The following KAZN variants were observed in gnomAD, a reference collection of about 807,000 sequenced individuals.
KAZN encodes the protein kazrin, periplakin interacting protein, also known as kazrin.
Under a neutral mutation model 87.4 loss-of-function variants are expected in KAZN, and 40 were observed. The ratio of observed to expected loss-of-function variants is 0.46; its 90% CI spans 0.36 to 0.60. The LOEUF (loss-of-function observed/expected upper bound fraction) is 0.60. KAZN is among the 20% of genes least tolerant of loss of function. The pLI, the probability that KAZN is intolerant of heterozygous loss-of-function variation, is 0.00. For synonymous variants in KAZN, 466 were observed against 458.3 expected (o/e 1.02, Z -0.22); for missense variants, 898 against 1,073.9 (o/e 0.84, Z 2.29).
chr1:14,704,508 ACT>A (rs1642102922), intron 1 of KAZN, among the ~76,000 whole-genome samples: 1 of 152,070 alleles, frequency 6.6e-6, no homozygotes, highest in African/African-American at 2.4e-5. Context: ...GAGTGACTTG[ACT>A]CACACCTTGT....
intron 2 of KAZN, among the ~76,000 whole-genome samples, chr1:14,396,610 G>A (rs1015785130): frequency 1.3e-5 from 2 of 152,240 alleles, no homozygotes; most frequent in Non-Finnish European, 2.9e-5. Flanking sequence ...AATTACTGGG[G>A]ATGATTTCTG....
chr1:14,781,266 G>A (rs530666695), intron 1 of KAZN, among the ~76,000 whole-genome samples: 32 of 152,348 alleles, frequency 2.1e-4, no homozygotes, highest in Admixed American at 4.6e-4. Flanking sequence ...AGCTTGCAGT[G>A]AGCCGAGATC....
chr1:15,065,962 C>G (rs1206290915), intron 8 of KAZN: 1 of 1,384,602 alleles, frequency 7.2e-7, no homozygotes, highest in South Asian at 1.7e-5. Flanking sequence ...AGTGAAAACA[C>G]GAGTGTGAAC....
chr1:14,701,537 A>G (rs888551633), intron 1 of KAZN, among the ~76,000 whole-genome samples: 1 of 152,224 alleles, frequency 6.6e-6, no homozygotes, highest in Non-Finnish European at 1.5e-5. Flanking sequence ...TCATGCCTAT[A>G]ATCGCAGCAC....
At chr1:14,719,010 T>C (rs373924436) in intron 1 of KAZN, among the ~76,000 whole-genome samples, 4 of 152,134 alleles carry the variant, frequency 2.6e-5, no homozygotes, top group Admixed American at 2.6e-4. Context: ...TCTCTAAGGG[T>C]GCAGGCTTGG....
At chr1:14,845,439 G>A (rs373216354) in intron 1 of KAZN, among the ~76,000 whole-genome samples, 2 of 151,526 alleles carry the variant, frequency 1.3e-5, no homozygotes, top group African/African-American at 2.4e-5. Flanking sequence ...GTGGATGGAC[G>A]GATGAGTAAA....
chr1:14,712,854 C>T (rs1181481943), intron 1 of KAZN, among the ~76,000 whole-genome samples: 1 of 152,220 alleles, frequency 6.6e-6, no homozygotes, highest in Admixed American at 6.5e-5. Context: ...CACCCCCCAC[C>T]TTTTCCCTGT....
chr1:14,838,918 G>C (rs1253165946), intron 1 of KAZN, among the ~76,000 whole-genome samples: 6 of 152,114 alleles, frequency 3.9e-5, no homozygotes, highest in Admixed American at 2.0e-4. Context: ...CACCGCACCT[G>C]GCCCTGATTC....
chr1:14,670,218 G>C (rs1300988777), intron 1 of KAZN, among the ~76,000 whole-genome samples: 1 of 150,378 alleles, frequency 6.6e-6, no homozygotes, highest in East Asian at 2.0e-4. Context: ...CTCCCCACAA[G>C]ATAGTTCATC....
intron 1 of KAZN, among the ~76,000 whole-genome samples, chr1:13,990,014 T>C (rs1639204535): frequency 6.6e-6 from 1 of 152,214 alleles, no homozygotes. Context: ...ACAGAGAATG[T>C]GTTACAGATA....
intron 1 of KAZN, among the ~76,000 whole-genome samples, chr1:14,760,765 A>G (rs978470146): frequency 6.6e-6 from 1 of 152,172 alleles, no homozygotes; most frequent in Non-Finnish European, 1.5e-5. Flanking sequence ...CCCAGCCTGG[A>G]CAACATAGCA....
intron 2 of KAZN, among the ~76,000 whole-genome samples, chr1:14,340,043 C>A (rs1218957266): frequency 6.6e-6 from 1 of 152,180 alleles, no homozygotes; most frequent in Non-Finnish European, 1.5e-5. Flanking sequence ...ACAGTGAACA[C>A]ATTTACATAT....
chr1:15,083,217 A>G (rs1041722570), intron 8 of KAZN, among the ~76,000 whole-genome samples: 1 of 152,162 alleles, frequency 6.6e-6, no homozygotes, highest in Non-Finnish European at 1.5e-5. Flanking sequence ...AGGCATGTGG[A>G]CTCAAGCCTG....
intron 2 of KAZN, among the ~76,000 whole-genome samples, chr1:14,578,291 T>C (rs993191535): frequency 3.9e-5 from 6 of 152,080 alleles, no homozygotes; most frequent in Non-Finnish European, 8.8e-5. Context: ...TCCCCTGCCT[T>C]ACACTAGCCT....
rs1645064330 is a variant in KAZN at position 14,773,037 on chromosome 1, A to G, written c.226+173814A>G. Among the ~76,000 whole-genome samples, 1 of 152,074 alleles carries G rather than the reference A, an allele frequency of 6.6e-6. No individual in the cohort carries two copies. The highest frequency in any genetic ancestry group is 1.5e-5 in the Non-Finnish European group (1 of 68,012). ...ATGAATGTCCACAGGCGGCCTCTTCATGGGGGTCTCAGGAAATGGGCATTT... is the reference window on the plus strand; with the variant it reads ...ATGAATGTCCACAGGCGGCCTCTTCGTGGGGGTCTCAGGAAATGGGCATTT... On this transcript the variant is annotated intron_variant, in intron 1 of 14. Transcript: ENST00000376030. This position sits in a 1 kb window ranked among gnomAD's most constrained non-coding sequence, Gnocchi z 5.9.
At chr1:14,428,347 T>C (rs1448216631) in intron 2 of KAZN, among the ~76,000 whole-genome samples, 1 of 152,164 alleles carries the variant, frequency 6.6e-6, no homozygotes, top group Non-Finnish European at 1.5e-5. Context: ...TCAAATGTAC[T>C]TTTTCTCAGC....
intron 2 of KAZN, among the ~76,000 whole-genome samples, chr1:14,453,048 C>T (rs1161993796): frequency 6.6e-6 from 1 of 152,114 alleles, no homozygotes; most frequent in East Asian, 1.9e-4. Flanking sequence ...CTCTGCCTCC[C>T]GGGTTTATGC....
chr1:14,311,782 A>G (rs1655321922), intron 2 of KAZN, among the ~76,000 whole-genome samples: 1 of 152,122 alleles, frequency 6.6e-6, no homozygotes, highest in African/African-American at 2.4e-5. Context: ...GGATGAATAG[A>G]AAGATACAGG....
At chr1:14,314,616 G>T (rs746147757) in intron 2 of KAZN, among the ~76,000 whole-genome samples, 9 of 152,064 alleles carry the variant, frequency 5.9e-5, no homozygotes, top group Non-Finnish European at 1.0e-4. Context: ...TTCTTGTAAT[G>T]ACATGACATC....
Sources: gnomAD v4.1 joint callset for allele counts (sites outside exome capture counted in the v4.1 genomes callset) on GRCh38, gnomAD v4.1.1 for gene constraint, Gnocchi (gnomAD v3.1) non-coding constraint, MANE v1.5 for transcripts, NCBI Gene and HGNC (gene_info 2026-07-23, HGNC 2026-07-21) for gene names.